The following AR variants were observed in gnomAD, a reference collection of about 807,000 sequenced individuals.
The protein encoded by AR is androgen receptor.
Under a neutral mutation model 53.9 loss-of-function variants are expected in AR, and 8 were observed. That is an observed-to-expected ratio of 0.15 (90% CI 0.09 to 0.27). AR has a LOEUF of 0.27. Among genes scored for constraint, AR ranks in the 10% least tolerant of loss-of-function variants. The pLI, the probability that AR is intolerant of heterozygous loss-of-function variation, is 1.00. For synonymous variants in AR, 359 were observed against 316.4 expected, an observed-to-expected ratio of 1.13 and a Z score of -1.43; for missense variants, 639 against 742.5, an observed-to-expected ratio of 0.86 and a Z score of 1.62.
intron 1 of AR, among the ~76,000 whole-genome samples, chrX:67,594,961 AAGAG>A (rs897354505): frequency 2.7e-5 from 3 of 109,374 alleles, no homozygotes; most frequent in African/African-American, 1.0e-4. Context: ...AGAAAGAAAG[AAGAG>A]AGAGAGAGAG....
intron 1 of AR, among the ~76,000 whole-genome samples, chrX:67,613,024 C>G (rs1287487071): frequency 1.8e-5 from 2 of 112,235 alleles, no homozygotes; most frequent in Admixed American, 1.9e-4. Flanking sequence ...AGATTCCTTC[C>G]ACACCCACTT....
At chrX:67,692,409 T>A (rs1394368800) in intron 3 of AR, among the ~76,000 whole-genome samples, 2 of 112,566 alleles carry the variant, frequency 1.8e-5, no homozygotes, top group African/African-American at 6.5e-5. Context: ...AGGAGCAGAA[T>A]TACTCTATAA....
intron 1 of AR, among the ~76,000 whole-genome samples, chrX:67,592,649 CT>C (rs199771080): frequency 2.3e-5 from 2 of 88,400 alleles, no homozygotes; most frequent in African/African-American, 7.4e-5. Flanking sequence ...AAAAAAAAAA[CT>C]TTTTTTTTTT....
At chrX:67,644,746 GAAGGC>G (rs1385878307) in intron 2 of AR, among the ~76,000 whole-genome samples, 1 of 111,488 alleles carries the variant, frequency 9.0e-6, no homozygotes, top group Non-Finnish European at 1.9e-5. Flanking sequence ...GGGCCTACAA[GAAGGC>G]AGCTATCATT....
Position 67,546,353 on chromosome X carries a change from G to T in AR, c.1207G>T (p.Ala403Ser). The change falls in exon 1 of 8, where the codon GCG becomes TCG. Residue 403 changes from alanine (A) to serine (S), a missense_variant. Physicochemically the swap from Ala to Ser is moderately conservative, Grantham distance 99. Around this residue, in one of 5 missense-constraint regions of AR, gnomAD observed 423 missense variants for 377.0 expected, o/e 1.12. Coordinates refer to ENST00000374690, the MANE Select transcript of AR (RefSeq NM_000044.6). The stretch of plus-strand genomic sequence containing the variant: ...CTACGGCAGCGCCTGGGCGGCTGCG[G>T]CGGCGCAGTGCCGCTATGGGGACCT... ...LDYGSAWAAA[A>S]AQCRYGDLAS... is the part of the protein sequence containing the mutation. 1 of 1,186,092 alleles carries T rather than the reference G, an allele frequency of 8.4e-7. No individual in the cohort carries two copies. Among genetic ancestry groups the T allele is most frequent in the Non-Finnish European group, 1.1e-6 (1 of 883,332 alleles).
At chrX:67,612,550 T>C (rs1382260011) in intron 1 of AR, among the ~76,000 whole-genome samples, 2 of 111,970 alleles carry the variant, frequency 1.8e-5, no homozygotes, top group Non-Finnish European at 3.8e-5. Flanking sequence ...ATAAACATCA[T>C]TTCTGTAACT....
intron 1 of AR, among the ~76,000 whole-genome samples, chrX:67,554,382 G>C (rs1316087318): frequency 2.7e-5 from 3 of 111,632 alleles, no homozygotes; most frequent in African/African-American, 9.8e-5. Context: ...TGCATTTCTA[G>C]ATGGGGAAAG....
At chrX:67,662,498 G>T (rs1210023717) in intron 2 of AR, among the ~76,000 whole-genome samples, 1 of 111,338 alleles carries the variant, frequency 9.0e-6, no homozygotes, top group Non-Finnish European at 1.9e-5. Context: ...GTAGTTGAGC[G>T]GTTTTGAGTG....
chrX:67,617,837 A>C (rs990312319), intron 1 of AR, among the ~76,000 whole-genome samples: 1 of 111,673 alleles, frequency 9.0e-6, no homozygotes, highest in African/African-American at 3.3e-5. Flanking sequence ...CAGAGAAGAA[A>C]CAGTGGAGAG....
intron 3 of AR, among the ~76,000 whole-genome samples, chrX:67,703,344 G>GA (rs750325591): frequency 1.8e-5 from 2 of 112,011 alleles, no homozygotes; most frequent in South Asian, 3.7e-4. Context: ...ATAAATACTG[G>GA]AAAAAATAGT....
chrX:67,620,697 T>C (rs1242694392), intron 1 of AR, among the ~76,000 whole-genome samples: 2 of 111,677 alleles, frequency 1.8e-5, no homozygotes, highest in Admixed American at 9.6e-5. Context: ...CTTTTGACAC[T>C]GTAACTAATG....
chrX:67,657,040 AT>A (rs947162279), intron 2 of AR, among the ~76,000 whole-genome samples: 5 of 110,902 alleles, frequency 4.5e-5, no homozygotes, highest in Non-Finnish European at 9.4e-5. Flanking sequence ...CCCCAAAAAA[AT>A]GTTATTGAGA....
At chrX:67,691,032 G>A (rs1008421823) in intron 3 of AR, among the ~76,000 whole-genome samples, 2 of 112,089 alleles carry the variant, frequency 1.8e-5, no homozygotes, top group African/African-American at 6.5e-5. Context: ...CATGGGATAG[G>A]CATGATGACA....
rs1435687966 is a variant in AR, at chrX:67,546,571, G to A, written c.1425G>A (p.Ala475=). The change falls in exon 1 of 8, where the codon GCG becomes GCA. Residue 475 remains alanine, a synonymous_variant. Coordinates refer to ENST00000374690, the MANE Select transcript of AR (RefSeq NM_000044.6). The part of the protein sequence containing the change: ...GGGGGGGGGE[A]GAVAPYGYTR... Reference sequence around the variant, plus strand: ...GCGGCGGCGGCGGCGGCGGCGAGGCGGGAGCTGTAGCCCCCTACGGCTACA... The same window carrying A: ...GCGGCGGCGGCGGCGGCGGCGAGGCAGGAGCTGTAGCCCCCTACGGCTACA... 2.0e-6 allele frequency: 2 copies of A among 1,021,103 alleles called. No individual in the cohort carries two copies. Among genetic ancestry groups the A allele is most frequent in the Admixed American group, 6.9e-5 (2 of 28,903 alleles). 84.2% of individuals were successfully genotyped at this position (1,021,103 alleles called of 1,213,427 possible).
At position 67,546,381 on chromosome X, in the gene AR, C is replaced by A. The variant is rs762550472; in HGVS notation, c.1235C>A (p.Ala412Glu). 2.3e-4 allele frequency: 272 copies of A among 1,181,780 alleles called. No homozygotes were observed. Among genetic ancestry groups the A allele is most frequent in the Non-Finnish European group, 2.9e-4 (260 of 881,705 alleles). ...AAAQCRYGDLASLHGAGAAGP... is the reference protein window; with the variant it reads ...AAAQCRYGDLESLHGAGAAGP... ...GCGCAGTGCCGCTATGGGGACCTGG[C>A]GAGCCTGCATGGCGCGGGTGCAGCG... is the stretch of plus-strand genomic sequence containing the variant. Residue 412 changes from alanine (A) to glutamate (E), a missense_variant, in exon 1 of 8, where the codon GCG (alanine) becomes GAG (glutamate). Ala to Glu is a moderately radical substitution (Grantham distance 107). This residue lies in a region of AR where 423 missense variants were observed against 377.0 expected (regional missense o/e 1.12). Coordinates refer to ENST00000374690, the MANE Select transcript of AR (RefSeq NM_000044.6).
intron 1 of AR, among the ~76,000 whole-genome samples, chrX:67,626,944 T>A (rs1440068823): frequency 9.5e-6 from 1 of 104,824 alleles, no homozygotes; most frequent in East Asian, 3.0e-4. Flanking sequence ...TCCATGTCCC[T>A]ACAAAGGACA....
chrX:67,572,323 G>A (rs913296032), intron 1 of AR, among the ~76,000 whole-genome samples: 2 of 111,167 alleles, frequency 1.8e-5, no homozygotes, highest in Non-Finnish European at 3.8e-5. Context: ...TGATATATCC[G>A]TGGTAAAAAT....
chrX:67,683,850 A>G (rs776287225), intron 2 of AR, among the ~76,000 whole-genome samples: 5 of 110,705 alleles, frequency 4.5e-5, no homozygotes, highest in Non-Finnish European at 7.6e-5. Flanking sequence ...GAACTATGCT[A>G]AGGAAATTAT....
Position 67,544,365 on chromosome X carries a change from C to T in AR, c.-782C>T. On this transcript the variant is annotated 5_prime_UTR_variant, in exon 1 of 8. Transcript: ENST00000374690. ...CTCCACCCCGCCTCCCCCCACCCTG[C>T]CTTCCCCCCCTCCCCCGTCTTCTCT... 1 of 97,797 alleles carries T rather than the reference C, an allele frequency of 1.0e-5. No individual in the cohort carries two copies. Among genetic ancestry groups the T allele is most frequent in the East Asian group, 1.8e-4 (1 of 5,692 alleles). 8.1% of individuals were successfully genotyped at this position (97,797 alleles called of 1,213,427 possible).
Sources: allele counts gnomAD v4.1 joint callset (sites outside exome capture counted in the v4.1 genomes callset), GRCh38; gene constraint gnomAD v4.1.1; regional missense constraint gnomAD v4.1.1; transcripts MANE v1.5; gene names NCBI Gene and HGNC (gene_info 2026-07-23, HGNC 2026-07-21).